The following TNFAIP8 variants were observed in gnomAD, a reference collection of about 807,000 sequenced individuals.
TNFAIP8 encodes TNF alpha induced protein 8.
In TNFAIP8, 7 loss-of-function variants were observed where a neutral mutation model predicts 13.3. The ratio of observed to expected loss-of-function variants is 0.52; its 90% CI spans 0.30 to 0.99. The LOEUF (loss-of-function observed/expected upper bound fraction) is 0.99, where lower values mean the gene tolerates loss of function less well. Ranked by LOEUF, TNFAIP8 falls within the 50% of genes least tolerant of loss-of-function variation. The probability of loss-of-function intolerance (pLI) is 0.07; values close to 1 mark genes in which losing one functional copy is unlikely to be tolerated. For synonymous variants in TNFAIP8, 94 were observed against 87.6 expected (o/e 1.07, Z -0.41); for missense variants, 258 against 236.9 (o/e 1.09, Z -0.58).
At chr5:119,355,161 C>T (rs1751336141), upstream of TNFAIP8, 1 of 628,974 alleles carries the variant, frequency 1.6e-6, no homozygotes, top group Admixed American at 2.4e-5. Flanking sequence ...GAAGGCTGTC[C>T]GGCTTCTTTA....
At chr5:119,274,791 A>G (rs1748389520) in intron 1 of TNFAIP8, among the ~76,000 whole-genome samples, 1 of 152,232 alleles carries the variant, frequency 6.6e-6, no homozygotes, top group African/African-American at 2.4e-5. Flanking sequence ...GGGCAGCTAC[A>G]AAAGTGATAC....
intron 1 of TNFAIP8, among the ~76,000 whole-genome samples, chr5:119,334,773 C>G (rs1750498157): frequency 6.6e-6 from 1 of 150,848 alleles, no homozygotes; most frequent in Admixed American, 6.6e-5. Context: ...GACTCCGTCT[C>G]AAAAAAAATG....
intron 1 of TNFAIP8, among the ~76,000 whole-genome samples, chr5:119,381,342 A>C: frequency 6.6e-6 from 1 of 152,090 alleles, no homozygotes; most frequent in East Asian, 1.9e-4. Context: ...GGGGTTCAAG[A>C]CCATCGTAGG....
chr5:119,391,759 C>CA (rs1189646198), intron 1 of TNFAIP8, among the ~76,000 whole-genome samples: 1,849 of 79,220 alleles, frequency 0.023, 22 homozygotes, highest in East Asian at 0.12. Context: ...AACTCCGTCT[C>CA]AAAAAAAAAA....
chr5:119,276,756 G>A (rs913199288), intron 1 of TNFAIP8, among the ~76,000 whole-genome samples: 6 of 152,082 alleles, frequency 3.9e-5, no homozygotes, highest in Non-Finnish European at 8.8e-5. Context: ...AACCTTAATT[G>A]TTTATTAAAG....
intron 1 of TNFAIP8, among the ~76,000 whole-genome samples, chr5:119,324,553 T>C (rs1203485930): frequency 6.6e-6 from 1 of 152,118 alleles, no homozygotes; most frequent in Non-Finnish European, 1.5e-5. Context: ...GAAAATTCCC[T>C]GAAAAGACAG....
At chr5:119,333,726 C>A in intron 1 of TNFAIP8, 1 of 1,037,756 alleles carries the variant, frequency 9.6e-7, no homozygotes, top group Non-Finnish European at 1.4e-6. Context: ...TTGCTGTCTT[C>A]AAGGAAATAA....
intron 1 of TNFAIP8, among the ~76,000 whole-genome samples, chr5:119,385,484 T>C (rs1234206751): frequency 6.6e-6 from 1 of 152,204 alleles, no homozygotes; most frequent in African/African-American, 2.4e-5. Flanking sequence ...TCTTGTCTTG[T>C]AGTAGGCTCT....
intron 1 of TNFAIP8, among the ~76,000 whole-genome samples, chr5:119,347,667 ACTT>A (rs1750955208): frequency 6.6e-6 from 1 of 152,106 alleles, no homozygotes; most frequent in Non-Finnish European, 1.5e-5. Flanking sequence ...AAGAGGAAAA[ACTT>A]CTGATGCATG....
intron 1 of TNFAIP8, among the ~76,000 whole-genome samples, chr5:119,293,604 T>C (rs1356699452): frequency 6.6e-6 from 1 of 152,208 alleles, no homozygotes; most frequent in African/African-American, 2.4e-5. Flanking sequence ...GAGGAAATGT[T>C]CTAAAAATTG....
At chr5:119,317,038 T>C (rs1360211166) in intron 1 of TNFAIP8, among the ~76,000 whole-genome samples, 1 of 152,092 alleles carries the variant, frequency 6.6e-6, no homozygotes, top group Non-Finnish European at 1.5e-5. Flanking sequence ...TATATGCCTG[T>C]TGTGAGGAAA....
At chr5:119,326,398 T>G (rs1750227244) in intron 1 of TNFAIP8, among the ~76,000 whole-genome samples, 1 of 152,098 alleles carries the variant, frequency 6.6e-6, no homozygotes, top group Admixed American at 6.5e-5. Context: ...GTTTTGCAGC[T>G]GGTGATGATG....
intron 1 of TNFAIP8, among the ~76,000 whole-genome samples, chr5:119,333,937 C>G (rs1444838785): frequency 6.6e-6 from 1 of 152,128 alleles, no homozygotes; most frequent in Non-Finnish European, 1.5e-5. Context: ...AGATGGGACT[C>G]TGAAAAGATT....
At chr5:119,345,561 A>G (rs925757384) in intron 1 of TNFAIP8, among the ~76,000 whole-genome samples, 5 of 152,256 alleles carry the variant, frequency 3.3e-5, no homozygotes, top group African/African-American at 1.2e-4. Flanking sequence ...ACCTGCTACC[A>G]TGTGGATGAA....
At chr5:119,329,581 G>C (rs533671506) in intron 1 of TNFAIP8, among the ~76,000 whole-genome samples, 1 of 152,162 alleles carries the variant, frequency 6.6e-6, no homozygotes, top group Admixed American at 6.5e-5. Context: ...ATGCTTTTGC[G>C]ATATGATATG....
chr5:119,289,243 T>G (rs1468595961), intron 1 of TNFAIP8, among the ~76,000 whole-genome samples: 1 of 152,168 alleles, frequency 6.6e-6, no homozygotes, highest in Non-Finnish European at 1.5e-5. Flanking sequence ...TTCCCAATAG[T>G]GTGTATCTTT....
chr5:119,391,588 C>T (rs549391804), intron 1 of TNFAIP8: 22 of 525,624 alleles, frequency 4.2e-5, no homozygotes, highest in Admixed American at 3.4e-4. Context: ...GGTGAAACCC[C>T]GTCTCTACTG....
intron 1 of TNFAIP8, among the ~76,000 whole-genome samples, chr5:119,278,376 A>AGAGAGTGTGT (rs760411484): frequency 3.7e-5 from 4 of 108,236 alleles, no homozygotes; most frequent in Non-Finnish European, 5.6e-5. Context: ...AGAGAGAGAG[A>AGAGAGTGTGT]GTGTGTGTGT....
chr5:119,375,079 A>G (rs1384483327), intron 1 of TNFAIP8, among the ~76,000 whole-genome samples: 1 of 152,226 alleles, frequency 6.6e-6, no homozygotes, highest in Non-Finnish European at 1.5e-5. Context: ...AAAGAAAAAA[A>G]CACTATGAGG....
Sources: allele counts gnomAD v4.1 joint callset (sites outside exome capture counted in the v4.1 genomes callset), GRCh38; gene constraint gnomAD v4.1.1; transcripts MANE v1.5; gene names NCBI Gene and HGNC (gene_info 2026-07-23, HGNC 2026-07-21).